DOCK4: variants seen among roughly 807,000 people sequenced by gnomAD.
DOCK4 encodes the protein dedicator of cytokinesis 4.
A neutral mutation model predicts 268.1 loss-of-function variants in DOCK4; 97 were observed. The ratio of observed to expected loss-of-function variants is 0.36; its 90% CI spans 0.31 to 0.43. The LOEUF is 0.43. Ranked by LOEUF, DOCK4 falls within the 20% of genes least tolerant of loss-of-function variation. The pLI is 1.00. For missense variants in DOCK4, 2,145 were observed against 2,455.7 expected (o/e 0.87, Z 2.67); for synonymous variants, 954 against 887.2 (o/e 1.08, Z -1.34).
chr7:112,106,297 G>A (rs553038239), intron 1 of DOCK4, among the ~76,000 whole-genome samples: 3 of 152,166 alleles, frequency 2.0e-5, no homozygotes, highest in East Asian at 1.9e-4. Context: ...TCTAAACCAC[G>A]GATGAGGACA....
intron 1 of DOCK4, among the ~76,000 whole-genome samples, chr7:112,042,428 C>T (rs1322336131): frequency 6.6e-6 from 1 of 151,998 alleles, no homozygotes; most frequent in African/African-American, 2.4e-5. Flanking sequence ...CAAGAACCTA[C>T]CAAACAATAT....
chr7:111,816,565 T>G (rs1801572050), intron 27 of DOCK4, among the ~76,000 whole-genome samples: 1 of 152,188 alleles, frequency 6.6e-6, no homozygotes, highest in South Asian at 2.1e-4. Context: ...CTGATGCATG[T>G]GGTCATCCTT....
chr7:111,996,861 T>C (rs890575014), intron 4 of DOCK4, among the ~76,000 whole-genome samples: 3 of 152,232 alleles, frequency 2.0e-5, no homozygotes, highest in South Asian at 2.1e-4. Flanking sequence ...CTTTGAGGGA[T>C]AGACTTTGAT....
In DOCK4 at chr7:111,742,094, C is replaced by T; in HGVS notation, c.4716G>A (p.Lys1572=). ...ILEFGLAVHE[K]FVPQDMRPLH... ...GGGGTCTCATATCTTGAGGTACAAACTTCTCATGCACGGCCAAACCAAATT... is the reference window on the plus strand; with the variant it reads ...GGGGTCTCATATCTTGAGGTACAAATTTCTCATGCACGGCCAAACCAAATT... The change falls in exon 45 of 53, where the codon AAG becomes AAA. Residue 1572 remains lysine, a synonymous_variant. Coordinates refer to ENST00000428084, the MANE Select transcript of DOCK4 (RefSeq NM_001363540.2). 6.2e-7 allele frequency: 1 copy of T among 1,602,990 alleles called. No individual in the cohort carries two copies. The highest frequency in any genetic ancestry group is 8.5e-7 in the Non-Finnish European group (1 of 1,176,234).
At chr7:111,945,656 C>T in intron 9 of DOCK4, 61 bp downstream of exon 9, 2 of 1,380,020 alleles carry the variant, frequency 1.4e-6, no homozygotes, top group Non-Finnish European at 1.0e-6. Context: ...TTTATTTCTC[C>T]TAAATAGTAT....
intron 1 of DOCK4, among the ~76,000 whole-genome samples, chr7:112,140,497 T>C (rs1814798129): frequency 6.6e-6 from 1 of 152,098 alleles, no homozygotes; most frequent in Non-Finnish European, 1.5e-5. Flanking sequence ...GTCTACTGTT[T>C]TTCATGGAAA....
At chr7:111,969,474 T>C (rs1797525332) in intron 8 of DOCK4, among the ~76,000 whole-genome samples, 1 of 151,526 alleles carries the variant, frequency 6.6e-6, no homozygotes, top group Non-Finnish European at 1.5e-5. Context: ...TTGACTCCTG[T>C]CACATATGTC....
intron 32 of DOCK4, 194 bp from the exon 33 acceptor site, chr7:111,784,317 A>T (rs560200670): frequency 2.8e-6 from 2 of 720,952 alleles, no homozygotes; most frequent in East Asian, 5.4e-5. Context: ...AAAAGCAAAA[A>T]CAGGAGTGCC....
chr7:111,744,901 G>A (rs1449753559), intron 44 of DOCK4, among the ~76,000 whole-genome samples: 2 of 152,126 alleles, frequency 1.3e-5, no homozygotes, highest in East Asian at 3.9e-4. Flanking sequence ...ATAAAAGATG[G>A]ATGAAAACCA....
chr7:111,804,166 T>C (rs1056777885), intron 30 of DOCK4, among the ~76,000 whole-genome samples: 4 of 152,126 alleles, frequency 2.6e-5, no homozygotes, highest in African/African-American at 4.8e-5. Flanking sequence ...CTATTCACAA[T>C]AGACAAAAGG....
intron 1 of DOCK4, among the ~76,000 whole-genome samples, chr7:112,134,547 G>A (rs537271752): frequency 5.3e-4 from 70 of 133,308 alleles, no homozygotes; most frequent in African/African-American, 2.1e-3. Context: ...GTGTAACGCC[G>A]TCTCTACTAA....
chr7:112,021,650 G>A (rs999704103), intron 1 of DOCK4, among the ~76,000 whole-genome samples: 1 of 152,212 alleles, frequency 6.6e-6, no homozygotes, highest in Non-Finnish European at 1.5e-5. Flanking sequence ...TGTCTCCTCT[G>A]AAGCTAATTT....
In DOCK4 at chr7:112,069,390, T is replaced by C. The variant is rs139548042; in HGVS notation, c.38-65259A>G. Among the ~76,000 whole-genome samples the C allele has an allele frequency of 9.6e-3, 1,465 of 152,300 alleles. 13 individuals are homozygous for C. The highest frequency in any genetic ancestry group is 0.014 in the Non-Finnish European group (959 of 68,022). On this transcript the variant is annotated intron_variant, in intron 1 of 52. Coordinates refer to ENST00000428084, the MANE Select transcript of DOCK4 (RefSeq NM_001363540.2). ...TTAAGGGGCTCTCAGCCTAATGAGG[T>C]AAGTAGCATCATGTCATTGTTACTA...
intron 23 of DOCK4, among the ~76,000 whole-genome samples, chr7:111,854,185 A>G (rs1804817136): frequency 1.3e-5 from 2 of 152,362 alleles, no homozygotes; most frequent in South Asian, 2.1e-4. Flanking sequence ...AATGAAAATT[A>G]AAAGGCAGAA....
intron 13 of DOCK4, among the ~76,000 whole-genome samples, chr7:111,911,285 A>C (rs1485426223): frequency 6.6e-6 from 1 of 152,222 alleles, no homozygotes; most frequent in Non-Finnish European, 1.5e-5. Context: ...AATTCAGCTC[A>C]AGTTTTCATT....
Position 111,812,007 on chromosome 7 carries a change from T to A in DOCK4, c.2931-58A>T, listed in dbSNP as rs773390754. The A allele has an allele frequency of 7.2e-5, 68 of 950,742 alleles. 1 individual carries two copies. Among genetic ancestry groups the A allele is most frequent in the Non-Finnish European group, 1.0e-4 (65 of 640,290 alleles). 58.9% of individuals were successfully genotyped at this position (950,742 alleles called of 1,614,324 possible). On this transcript the variant is annotated intron_variant, in intron 27 of 52. Coordinates refer to ENST00000428084, the MANE Select transcript of DOCK4 (RefSeq NM_001363540.2). ...TCATATTAGTGAAAATCATTTAGTA[T>A]ACAAGAATAAAAACCTACTAAGATA...
chr7:111,802,544 C>A (rs1800380001), intron 30 of DOCK4, among the ~76,000 whole-genome samples: 1 of 152,158 alleles, frequency 6.6e-6, no homozygotes, highest in Non-Finnish European at 1.5e-5. Context: ...GAATAGTTCT[C>A]CCATGCCTGA....
chr7:111,732,831 AT>A (rs1354379115), intron 51 of DOCK4, among the ~76,000 whole-genome samples: 1 of 152,100 alleles, frequency 6.6e-6, no homozygotes, highest in African/African-American at 2.4e-5. Context: ...ATGGTTTTCC[AT>A]TTCTTCCCCT....
intron 10 of DOCK4, 140 bp from the exon 11 acceptor site, chr7:111,940,382 A>T (rs1229433282): frequency 1.1e-5 from 12 of 1,097,716 alleles, no homozygotes; most frequent in Admixed American, 7.8e-5. Context: ...GTAACAGAAG[A>T]TATTGCTTCA....
Sources: allele counts gnomAD v4.1 joint callset (sites outside exome capture counted in the v4.1 genomes callset), GRCh38; gene constraint gnomAD v4.1.1; transcripts MANE v1.5; gene names NCBI Gene and HGNC (gene_info 2026-07-23, HGNC 2026-07-21).